The following PLD5 variants were observed in gnomAD, a reference collection of about 807,000 sequenced individuals.
PLD5 encodes phospholipase D family member 5, also known as inactive phospholipase D5.
In PLD5, 36 loss-of-function variants were observed where a neutral mutation model predicts 61.1. That is an observed-to-expected ratio of 0.59 (90% CI 0.45 to 0.78). PLD5 has a LOEUF of 0.78. PLD5 is among the 30% of genes least tolerant of loss of function. PLD5 has a pLI of 0.00. For synonymous variants in PLD5, 243 were observed against 242.8 expected, an observed-to-expected ratio of 1.00 and a Z score of -0.01; for missense variants, 515 against 644.4, an observed-to-expected ratio of 0.80 and a Z score of 2.17.
intron 5 of PLD5, among the ~76,000 whole-genome samples, chr1:242,207,906 A>ATATATTTATATATATTTT (rs1669510526): frequency 5.4e-5 from 1 of 18,672 alleles, no homozygotes; most frequent in Non-Finnish European, 7.9e-5. Context: ...TTATATATTT[A>ATATATTTATATATATTTT]TATATATTTA....
At chr1:242,151,724 G>A (rs986976012) in intron 5 of PLD5, among the ~76,000 whole-genome samples, 2 of 151,860 alleles carry the variant, frequency 1.3e-5, no homozygotes, top group Non-Finnish European at 2.9e-5. Context: ...GAACATTCTA[G>A]GCTATTCAGA....
chr1:242,261,431 A>G (rs1375277311), intron 4 of PLD5, among the ~76,000 whole-genome samples: 1 of 152,148 alleles, frequency 6.6e-6, no homozygotes, highest in East Asian at 1.9e-4. Flanking sequence ...AATCTCCATG[A>G]CCTTGTGATG....
chr1:242,125,572 A>T (rs560491817), intron 5 of PLD5, among the ~76,000 whole-genome samples: 2 of 152,340 alleles, frequency 1.3e-5, no homozygotes, highest in Non-Finnish European at 2.9e-5. Flanking sequence ...AATTTAGTCA[A>T]TGAAACTATA....
chr1:242,135,527 C>T (rs72761247), intron 5 of PLD5, among the ~76,000 whole-genome samples: 28,180 of 152,166 alleles, frequency 0.19, 2,777 homozygotes, highest in Non-Finnish European at 0.19. Context: ...GGAAACTTGC[C>T]CATCTACCTG....
chr1:242,152,602 G>A (rs1665017876), intron 5 of PLD5, among the ~76,000 whole-genome samples: 1 of 151,930 alleles, frequency 6.6e-6, no homozygotes. Flanking sequence ...GAGAACATGT[G>A]ATGTTTGGTT....
intron 9 of PLD5, among the ~76,000 whole-genome samples, chr1:242,098,877 AT>A (rs1660463576): frequency 6.6e-6 from 1 of 152,000 alleles, no homozygotes; most frequent in African/African-American, 2.4e-5. Flanking sequence ...AACAGCAGAT[AT>A]TGGTGAACAG....
chr1:242,267,485 G>A (rs561207984), intron 3 of PLD5, among the ~76,000 whole-genome samples: 18 of 152,320 alleles, frequency 1.2e-4, no homozygotes, highest in African/African-American at 3.4e-4. Flanking sequence ...CTCATTGAAA[G>A]TGATTAAATT....
intron 9 of PLD5, among the ~76,000 whole-genome samples, chr1:242,096,898 C>A (rs561793275): frequency 6.6e-6 from 1 of 151,808 alleles, no homozygotes; most frequent in South Asian, 2.1e-4. Context: ...TCCTCCTTCC[C>A]CCTCCCCCTC....
chr1:242,295,009 T>C (rs900993476), intron 2 of PLD5, among the ~76,000 whole-genome samples: 5 of 152,192 alleles, frequency 3.3e-5, no homozygotes, highest in African/African-American at 1.2e-4. Flanking sequence ...CCGACATTCA[T>C]TCTTTAGATC....
intron 1 of PLD5, among the ~76,000 whole-genome samples, chr1:242,498,392 G>A (rs1338589685): frequency 6.6e-6 from 1 of 152,048 alleles, no homozygotes; most frequent in Non-Finnish European, 1.5e-5. Context: ...TTAATATTTT[G>A]GAGTATCTCC....
intron 5 of PLD5, among the ~76,000 whole-genome samples, chr1:242,154,555 G>C (rs546135727): frequency 9.2e-5 from 14 of 152,184 alleles, no homozygotes; most frequent in South Asian, 6.2e-4. Context: ...TAGCACGAAG[G>C]GGTGTTGAAT....
At chr1:242,310,970 T>C (rs1476330335) in intron 2 of PLD5, among the ~76,000 whole-genome samples, 1 of 152,202 alleles carries the variant, frequency 6.6e-6, no homozygotes, top group African/African-American at 2.4e-5. Flanking sequence ...GCCACGTGTG[T>C]TTATTTTTTA....
At chr1:242,235,292 C>T (rs1041326228) in intron 4 of PLD5, among the ~76,000 whole-genome samples, 6 of 152,182 alleles carry the variant, frequency 3.9e-5, no homozygotes, top group Non-Finnish European at 8.8e-5. Flanking sequence ...TTAGTATTCC[C>T]TTCATAAGTC....
intron 1 of PLD5, among the ~76,000 whole-genome samples, chr1:242,441,531 C>T (rs1246228522): frequency 6.6e-6 from 1 of 152,088 alleles, no homozygotes; most frequent in African/African-American, 2.4e-5. Flanking sequence ...TTAGTTTCCT[C>T]AGTTATAAGT....
chr1:242,183,149 T>C (rs1191714043), intron 5 of PLD5, among the ~76,000 whole-genome samples: 1 of 152,234 alleles, frequency 6.6e-6, no homozygotes, highest in Non-Finnish European at 1.5e-5. Context: ...CACAGGCTTC[T>C]GAGGATGAGT....
intron 1 of PLD5, among the ~76,000 whole-genome samples, chr1:242,371,305 G>A (rs1360439363): frequency 1.3e-5 from 2 of 152,062 alleles, no homozygotes; most frequent in Admixed American, 6.6e-5. Context: ...TTTGCCGTCA[G>A]TACAGACACC....
chr1:242,413,694 G>A (rs529646647), intron 1 of PLD5, among the ~76,000 whole-genome samples: 1 of 152,310 alleles, frequency 6.6e-6, no homozygotes, highest in Non-Finnish European at 1.5e-5. Context: ...GGTAGGAAAA[G>A]CTTCATGGAG....
chr1:242,311,606 A>T (rs1469195631), intron 2 of PLD5, among the ~76,000 whole-genome samples: 2 of 152,194 alleles, frequency 1.3e-5, no homozygotes, highest in Non-Finnish European at 2.9e-5. Context: ...TGATAATGTT[A>T]TTGAGGATCC....
chr1:242,374,702 GA>G (rs1389263233), intron 1 of PLD5, among the ~76,000 whole-genome samples: 1 of 152,174 alleles, frequency 6.6e-6, no homozygotes, highest in Non-Finnish European at 1.5e-5. Flanking sequence ...GAGAGGCCAA[GA>G]AGAATCTAGA....
Sources: allele counts gnomAD v4.1 joint callset (sites outside exome capture counted in the v4.1 genomes callset), GRCh38; gene constraint gnomAD v4.1.1; transcripts MANE v1.5; gene names NCBI Gene and HGNC (gene_info 2026-07-23, HGNC 2026-07-21).